SERPINH1: variants seen among roughly 807,000 people sequenced by gnomAD.
SERPINH1 encodes serpin H1.
Under a neutral mutation model 32.3 loss-of-function variants are expected in SERPINH1, and 22 were observed. That is an observed-to-expected ratio of 0.68 (90% CI 0.49 to 0.97). The LOEUF is 0.97. Ranked by LOEUF, SERPINH1 falls within the 50% of genes least tolerant of loss-of-function variation. The pLI, the probability that SERPINH1 is intolerant of heterozygous loss-of-function variation, is 0.00. For synonymous variants in SERPINH1, 251 were observed against 245.9 expected (o/e 1.02, Z -0.19); for missense variants, 543 against 576.4 (o/e 0.94, Z 0.59).
In SERPINH1 at chr11:75,572,204, A is replaced by G. The variant is rs1942210602; in HGVS notation, c.*121A>G. On this transcript the variant is annotated 3_prime_UTR_variant, in exon 5 of 5. Transcript: ENST00000358171. ...TGGATACTCCATGGGGTGGGGGTGGAAAAACAGACCGGGGTTCCCGTGTGC... is the reference window on the plus strand; with the variant it reads ...TGGATACTCCATGGGGTGGGGGTGGGAAAACAGACCGGGGTTCCCGTGTGC... 5.1e-6 allele frequency: 5 copies of G among 988,066 alleles called. No homozygotes were observed. Among genetic ancestry groups the G allele is most frequent in the Non-Finnish European group, 1.5e-6 (1 of 645,452 alleles). The allele number at this position is 988,066 out of a possible 1,614,324, so 61.2% of individuals were successfully genotyped here.
At chr11:75,564,693 G>T (rs1441845850) in intron 1 of SERPINH1, among the ~76,000 whole-genome samples, 4 of 152,132 alleles carry the variant, frequency 2.6e-5, no homozygotes, top group Non-Finnish European at 5.9e-5. Context: ...TCATTTTAGG[G>T]TGAGACTCAG....
At chr11:75,568,669 G>C in intron 2 of SERPINH1, 62 bp from the exon 3 acceptor site, 1 of 1,105,054 alleles carries the variant, frequency 9.0e-7, no homozygotes, top group Admixed American at 1.7e-5. Context: ...GGTGGCTGTG[G>C]GCTGTGATTG....
At position 75,568,742 on chromosome 11, in the gene SERPINH1, GAGAAA is replaced by G; in HGVS notation, c.635_639del (p.Glu212ValfsTer69). On this transcript the variant is annotated frameshift_variant, in exon 3 of 5. Transcript: ENST00000358171. LOFTEE classifies it high-confidence loss of function. ...TGCCCCAACTACAGCACACTGGGAT[GAGAAA>G]TTCCACCACAAGATGGTGGACAACC... 1 of 1,612,906 alleles carries G rather than the reference GAGAAA, an allele frequency of 6.2e-7. No homozygotes were observed. Among genetic ancestry groups the G allele is most frequent in the Non-Finnish European group, 8.5e-7 (1 of 1,179,734 alleles).
chr11:75,566,816 G>A lies in SERPINH1; in HGVS notation c.467G>A (p.Cys156Tyr). 1 of 1,613,134 alleles carries A rather than the reference G, an allele frequency of 6.2e-7. No individual in the cohort carries two copies. Among genetic ancestry groups the A allele is most frequent in the Non-Finnish European group, 8.5e-7 (1 of 1,179,972 alleles). ...CGCAGCAGCAAGCAGCACTACAACTGCGAGCACTCCAAGATCAACTTCCGC... is the reference window on the plus strand; with the variant it reads ...CGCAGCAGCAAGCAGCACTACAACTACGAGCACTCCAAGATCAACTTCCGC... ...FVRSSKQHYN[C>Y]EHSKINFRDK... Residue 156 changes from cysteine (C) to tyrosine (Y), a missense_variant, in exon 2 of 5, where the codon TGC becomes TAC. Physicochemically the swap from Cys to Tyr is radical, Grantham distance 194. This residue lies in a region of SERPINH1 where 427 missense variants were observed against 446.4 expected (regional missense o/e 0.96). Coordinates refer to ENST00000358171, the MANE Select transcript of SERPINH1 (RefSeq NM_001235.5).
chr11:75,568,357 G>A, intron 2 of SERPINH1: 1 of 365,182 alleles, frequency 2.7e-6, no homozygotes, highest in Non-Finnish European at 5.3e-6. Flanking sequence ...GGGCACAGCT[G>A]TCCCCCAGGT....
At chr11:75,566,241 C>T (rs1276844802) in intron 1 of SERPINH1, 75 bp from the exon 2 acceptor site, 2 of 1,352,612 alleles carry the variant, frequency 1.5e-6, no homozygotes, top group East Asian at 5.0e-5. Context: ...CTTGTGGCAG[C>T]CAGAGAGCTG....
chr11:75,566,654 T>G lies in SERPINH1; in HGVS notation c.305T>G (p.Leu102Arg). ...QAKAVLSAEQLRDEEVHAGLG... is the reference protein window; with the variant it reads ...QAKAVLSAEQRRDEEVHAGLG... ...AAGGCAGTGCTGAGCGCCGAGCAGC[T>G]GCGCGACGAGGAGGTGCACGCCGGC... Residue 102 changes from leucine (L) to arginine (R), a missense_variant, in exon 2 of 5, where the codon CTG (leucine) becomes CGG (arginine). Around this residue, in one of 3 missense-constraint regions of SERPINH1, gnomAD observed 427 missense variants for 446.4 expected, o/e 0.96. Transcript: ENST00000358171. The G allele has an allele frequency of 6.2e-7, 1 of 1,607,782 alleles. No individual in the cohort carries two copies. Among genetic ancestry groups the G allele is most frequent in the Non-Finnish European group, 8.5e-7 (1 of 1,178,168 alleles).
chr11:75,567,385 G>A (rs1481777920), intron 2 of SERPINH1, among the ~76,000 whole-genome samples: 2 of 152,190 alleles, frequency 1.3e-5, no homozygotes, highest in African/African-American at 2.4e-5. Flanking sequence ...GCAATGGCAC[G>A]ATCTCAGCTC....
chr11:75,562,623 G>C (rs933778518), intron 1 of SERPINH1: 2 of 152,336 alleles, frequency 1.3e-5, no homozygotes, highest in African/African-American at 4.8e-5. Flanking sequence ...TGGCAGATAC[G>C]AGACTAGGTG....
rs75230041 is a variant in SERPINH1 at position 75,565,500 on chromosome 11, C to T, written c.-34-816C>T. Among the ~76,000 whole-genome samples the T allele has an allele frequency of 8.3e-4, 126 of 152,282 alleles. 1 individual carries two copies. In the East Asian group the frequency reaches 0.022, roughly 27 times the overall value. Reference sequence around the variant, plus strand: ...TTGTCCTGGGGATTTCCCATCCGCACTGGGAGCACTGTGGGTAGATGGGCA... The same window carrying T: ...TTGTCCTGGGGATTTCCCATCCGCATTGGGAGCACTGTGGGTAGATGGGCA... On this transcript the variant is annotated intron_variant, in intron 1 of 4. Transcript: ENST00000358171.
rs746127263 is a variant in SERPINH1, at chr11:75,571,763, ACCT to A, written c.955-14_955-12del. The stretch of plus-strand genomic sequence containing the variant: ...TGGCAGCCATGGCCTCACCTGGCAC[ACCT>A]CCTTGTTCCCACAGAAACACCTGGC... On this transcript the variant is annotated splice_polypyrimidine_tract_variant and intron_variant, in intron 4 of 4. Coordinates refer to ENST00000358171, the MANE Select transcript of SERPINH1 (RefSeq NM_001235.5). 2 of 1,612,078 alleles carry A rather than the reference ACCT, an allele frequency of 1.2e-6. No individual in the cohort carries two copies. Among genetic ancestry groups the A allele is most frequent in the Admixed American group, 1.7e-5 (1 of 60,002 alleles).
At position 75,572,437 on chromosome 11, in the gene SERPINH1, G is replaced by T. The variant is rs541972599; in HGVS notation, c.*354G>T. The T allele has an allele frequency of 3.9e-5, 14 of 360,600 alleles. No individual in the cohort carries two copies. The highest frequency in any genetic ancestry group is 7.0e-5 in the Non-Finnish European group (13 of 186,356). 22.3% of individuals were successfully genotyped at this position (360,600 alleles called of 1,614,324 possible). A position where few individuals can be genotyped will look rare whatever the true frequency, so the allele number is the denominator to read the frequency against. On this transcript the variant is annotated 3_prime_UTR_variant, in exon 5 of 5. Coordinates refer to ENST00000358171, the MANE Select transcript of SERPINH1 (RefSeq NM_001235.5). ...CTGTGAGACCAAATTGAGCTAGGGG[G>T]GTCAGCCAGCCCTCTTCTGACACTA... is the stretch of plus-strand genomic sequence containing the variant.
Position 75,569,046 on chromosome 11 carries a change from C to A in SERPINH1, c.829C>A (p.Pro277Thr), listed in dbSNP as rs765044030. The change falls in exon 4 of 5, where the codon CCT (proline) becomes ACT (threonine). Residue 277 changes from proline (P) to threonine (T), a missense_variant. Physicochemically the swap from Pro to Thr is conservative, Grantham distance 38 (BLOSUM62 -1). Transcript: ENST00000358171. ...LIILMPHHVE[P>T]LERLEKLLTK... Reference sequence around the variant, plus strand: ...CATCCTCATGCCCCATCACGTGGAGCCTCTCGAGCGCCTTGAAAAGCTGCT... The same window carrying A: ...CATCCTCATGCCCCATCACGTGGAGACTCTCGAGCGCCTTGAAAAGCTGCT... The A allele has an allele frequency of 1.2e-6, 2 of 1,614,168 alleles. No individual in the cohort carries two copies. The highest frequency in any genetic ancestry group is 1.7e-6 in the Non-Finnish European group (2 of 1,179,988).
intron 4 of SERPINH1, 46 bp downstream of exon 4, chr11:75,569,217 G>A (rs1381619005): frequency 3.4e-6 from 5 of 1,450,718 alleles, no homozygotes; most frequent in Non-Finnish European, 4.7e-6. Flanking sequence ...TGGAGCCAGG[G>A]GGAGGTGCTT....
chr11:75,571,006 G>A (rs1337684571), intron 4 of SERPINH1, among the ~76,000 whole-genome samples: 1 of 152,162 alleles, frequency 6.6e-6, no homozygotes, highest in Admixed American at 6.5e-5. Context: ...AGGCTGCCAC[G>A]TAGGCACAGG....
chr11:75,564,829 C>G (rs994509858), intron 1 of SERPINH1, among the ~76,000 whole-genome samples: 2 of 152,176 alleles, frequency 1.3e-5, no homozygotes, highest in Admixed American at 6.5e-5. Flanking sequence ...GAGGCAGTCC[C>G]GGGAGATGGG....
intron 1 of SERPINH1, chr11:75,563,357 C>T (rs1942012553): frequency 1.3e-5 from 2 of 152,526 alleles, no homozygotes; most frequent in East Asian, 1.9e-4. Context: ...GCCACACCCT[C>T]CTGTCTTCAG....
chr11:75,563,274 C>G (rs1292553296), intron 1 of SERPINH1: 5 of 152,354 alleles, frequency 3.3e-5, no homozygotes, highest in Non-Finnish European at 7.3e-5. Context: ...CCGCTGGTCC[C>G]TCTGGGCTGT....
chr11:75,568,410 AT>A (rs1219105693), intron 2 of SERPINH1: 1 of 423,898 alleles, frequency 2.4e-6, no homozygotes, highest in Non-Finnish European at 4.4e-6. Context: ...TGTTTCCAAA[AT>A]ATCTGACAAG....
Sources: allele counts gnomAD v4.1 joint callset (sites outside exome capture counted in the v4.1 genomes callset), GRCh38; gene constraint gnomAD v4.1.1; regional missense constraint gnomAD v4.1.1; transcripts MANE v1.5; gene names NCBI Gene and HGNC (gene_info 2026-07-23, HGNC 2026-07-21).